Variants in KLHL2 observed in about 807,000 individuals in gnomAD.
KLHL2 encodes kelch like family member 2, also known as kelch-like protein 2.
In KLHL2, 15 loss-of-function variants were observed where a neutral mutation model predicts 75.8. The observed-to-expected ratio is 0.20, with a 90% CI of 0.13 to 0.30. The LOEUF (loss-of-function observed/expected upper bound fraction) is 0.30. KLHL2 is among the 10% of genes least tolerant of loss of function. The pLI is 1.00. For missense variants in KLHL2, 381 were observed against 741.0 expected (o/e 0.51, Z 5.64); for synonymous variants, 214 against 251.9 (o/e 0.85, Z 1.42).
rs1323583859 is a variant in KLHL2 at position 165,214,420 on chromosome 4, C to G, written c.27-5514C>G. Reference sequence around the variant, plus strand: ...GACATGCTTTTACCGTGGTCCTTTTCCTGGTAATAGTCACTGTCAGGGACA... The same window carrying G: ...GACATGCTTTTACCGTGGTCCTTTTGCTGGTAATAGTCACTGTCAGGGACA... On this transcript the variant is annotated intron_variant, in intron 1 of 14. Transcript: ENST00000226725. 3.3e-5 allele frequency among the ~76,000 whole-genome samples: 5 copies of G among 152,108 alleles called. No individual in the cohort carries two copies. In the East Asian group the frequency reaches 9.6e-4, roughly 29 times the overall value.
chr4:165,300,858 T>G lies in KLHL2; in HGVS notation c.921+1202T>G, dbSNP rs188881727. Reference sequence around the variant, plus strand: ...TTACTCTGTCCTTTCCATTGAATTGTTTTTTAAATTCTTTCACTTTAATAC... The same window carrying G: ...TTACTCTGTCCTTTCCATTGAATTGGTTTTTAAATTCTTTCACTTTAATAC... On this transcript the variant is annotated intron_variant, in intron 8 of 14. Coordinates refer to ENST00000226725, the MANE Select transcript of KLHL2 (RefSeq NM_007246.4). Among the ~76,000 whole-genome samples, 158 of 152,366 alleles carry G rather than the reference T, an allele frequency of 1.0e-3. 1 individual carries two copies. The highest frequency in any genetic ancestry group is 2.0e-3 in the Non-Finnish European group (134 of 68,036).
At chr4:165,209,929 A>T (rs1737086864) in intron 1 of KLHL2, 2 of 1,223,792 alleles carry the variant, frequency 1.6e-6, no homozygotes, top group Admixed American at 3.0e-5. Flanking sequence ...GTTTGCCTCC[A>T]CTCCCATTAA....
chr4:165,291,374 C>A (rs2126476899), intron 5 of KLHL2, among the ~76,000 whole-genome samples: 1 of 151,864 alleles, frequency 6.6e-6, no homozygotes, highest in South Asian at 2.1e-4. Flanking sequence ...ATGGATAATA[C>A]TTTTGATGTT....
At chr4:165,286,148 G>A (rs1744076906) in intron 5 of KLHL2, among the ~76,000 whole-genome samples, 1 of 152,160 alleles carries the variant, frequency 6.6e-6, no homozygotes. Flanking sequence ...AATGCACAAT[G>A]ATGAAAAGTC....
At chr4:165,286,450 G>A (rs1375549379) in intron 5 of KLHL2, among the ~76,000 whole-genome samples, 1 of 152,066 alleles carries the variant, frequency 6.6e-6, no homozygotes, top group Admixed American at 6.6e-5. Context: ...AACAAGTGGA[G>A]AATCAAAAGG....
At position 165,280,856 on chromosome 4, in the gene KLHL2, A is replaced by G. The variant is rs190011897; in HGVS notation, c.545-13503A>G. On this transcript the variant is annotated intron_variant, in intron 5 of 14. Coordinates refer to ENST00000226725, the MANE Select transcript of KLHL2 (RefSeq NM_007246.4). Reference sequence around the variant, plus strand: ...CCTTATGTTAATAGAACTTCTGGAGACATACATGGTTTTTTTCTCCTAAAG... The same window carrying G: ...CCTTATGTTAATAGAACTTCTGGAGGCATACATGGTTTTTTTCTCCTAAAG... Among the ~76,000 whole-genome samples, 6 of 152,316 alleles carry G rather than the reference A, an allele frequency of 3.9e-5. No homozygotes were observed. The East Asian group carries it at 1.2e-3, about 29-fold the overall frequency.
chr4:165,217,815 A>G (rs1737652246), intron 1 of KLHL2, among the ~76,000 whole-genome samples: 1 of 152,172 alleles, frequency 6.6e-6, no homozygotes, highest in African/African-American at 2.4e-5. Flanking sequence ...TCCAATATTT[A>G]TCTGGTGATT....
At chr4:165,320,174 G>A (rs1746862286) in intron 14 of KLHL2, among the ~76,000 whole-genome samples, 2 of 152,304 alleles carry the variant, frequency 1.3e-5, no homozygotes, top group Admixed American at 6.5e-5. Flanking sequence ...CATTTATTAG[G>A]AAGATAAGCA....
chr4:165,279,697 C>T (rs1743500802), intron 5 of KLHL2: 3 of 1,343,314 alleles, frequency 2.2e-6, no homozygotes, highest in South Asian at 2.3e-5. Flanking sequence ...TGGGTGACGG[C>T]GGCGGGAGGG....
At chr4:165,274,608 C>CAA (rs1319249650) in intron 5 of KLHL2, among the ~76,000 whole-genome samples, 62 of 106,926 alleles carry the variant, frequency 5.8e-4, no homozygotes, top group African/African-American at 1.5e-3. Context: ...GACTACGTCT[C>CAA]AAAAAAAAAA....
At chr4:165,296,674 C>T (rs776325904) in intron 6 of KLHL2, among the ~76,000 whole-genome samples, 3 of 151,842 alleles carry the variant, frequency 2.0e-5, no homozygotes, top group Non-Finnish European at 4.4e-5. Context: ...CAGCAGGTTC[C>T]GATATGGGAT....
chr4:165,312,044 G>A (rs935349880), intron 11 of KLHL2, among the ~76,000 whole-genome samples: 9 of 152,144 alleles, frequency 5.9e-5, no homozygotes, highest in Non-Finnish European at 1.5e-5. Flanking sequence ...AGTGTCATAA[G>A]GAGTGCACAA....
At position 165,220,087 on chromosome 4, in the gene KLHL2, C is replaced by T; in HGVS notation, c.152+28C>T. ...ATCATTATACTAATGTACATGCAAC[C>T]ATTGGTTTCGTCCCTTTATTTTTCA... On this transcript the variant is annotated intron_variant, in intron 2 of 14. Transcript: ENST00000226725. 2.5e-6 allele frequency: 4 copies of T among 1,578,396 alleles called. No individual in the cohort carries two copies. The Middle Eastern group carries it at 5.1e-4, about 202-fold the overall frequency.
intron 3 of KLHL2, among the ~76,000 whole-genome samples, chr4:165,234,486 G>A (rs1418625875): frequency 2.0e-5 from 3 of 151,834 alleles, no homozygotes; most frequent in Non-Finnish European, 4.4e-5. Flanking sequence ...ATGAATTTTA[G>A]CGTTTATCTT....
At chr4:165,240,362 A>T (rs1428964966) in intron 4 of KLHL2, 1 of 152,200 alleles carries the variant, frequency 6.6e-6, no homozygotes, top group East Asian at 1.9e-4. Flanking sequence ...TTGTTAAGAC[A>T]TGCTATCGAT....
intron 4 of KLHL2, among the ~76,000 whole-genome samples, chr4:165,241,294 C>T (rs2111114755): frequency 6.6e-6 from 1 of 152,270 alleles, no homozygotes; most frequent in Middle Eastern, 3.4e-3. Flanking sequence ...AAAAATAAGA[C>T]TATACCATGT....
In KLHL2 at chr4:165,322,345, C is replaced by T. The variant is rs563497021; in HGVS notation, c.*285C>T. The T allele has an allele frequency of 2.4e-5, 8 of 335,990 alleles. No homozygotes were observed. Among genetic ancestry groups the T allele is most frequent in the Admixed American group, 9.3e-5 (2 of 21,464 alleles). The allele number at this position is 335,990 out of a possible 1,614,324, so 20.8% of individuals were successfully genotyped here. A position where few individuals can be genotyped will look rare whatever the true frequency, so the allele number is the denominator to read the frequency against. ...TAGACAACAGTTGCTTTCATAAAGA[C>T]TAGTTCTTATCAACCTTGAATGACT... On this transcript the variant is annotated 3_prime_UTR_variant, in exon 15 of 15. Coordinates refer to ENST00000226725, the MANE Select transcript of KLHL2 (RefSeq NM_007246.4).
intron 4 of KLHL2, among the ~76,000 whole-genome samples, chr4:165,262,446 T>C (rs1579067126): frequency 6.6e-6 from 1 of 152,234 alleles, no homozygotes; most frequent in East Asian, 1.9e-4. Flanking sequence ...TGTTGTGATA[T>C]GGATTACTCT....
intron 5 of KLHL2, among the ~76,000 whole-genome samples, chr4:165,268,949 C>CT (rs1228222593): frequency 3.9e-5 from 6 of 152,142 alleles, no homozygotes; most frequent in Non-Finnish European, 5.9e-5. Flanking sequence ...GTGTGGGAGT[C>CT]TAAGTCTCTT....
Sources: gnomAD v4.1 joint callset for allele counts (sites outside exome capture counted in the v4.1 genomes callset) on GRCh38, gnomAD v4.1.1 for gene constraint, MANE v1.5 for transcripts, NCBI Gene and HGNC (gene_info 2026-07-23, HGNC 2026-07-21) for gene names.